Variants in MFAP3 observed in about 807,000 individuals in gnomAD.
MFAP3 encodes microfibril associated protein 3, also known as microfibril-associated glycoprotein 3.
MFAP3 carries 8 observed loss-of-function variants against 20.5 expected under a neutral mutation model. The observed-to-expected ratio is 0.39, with a 90% CI of 0.23 to 0.70. The LOEUF (loss-of-function observed/expected upper bound fraction) is 0.70, where lower values mean the gene tolerates loss of function less well. MFAP3 is among the 30% of genes least tolerant of loss of function. The probability of loss-of-function intolerance (pLI) is 0.44; values close to 1 mark genes in which losing one functional copy is unlikely to be tolerated. For synonymous variants in MFAP3, 140 were observed against 154.0 expected (o/e 0.91, Z 0.67); for missense variants, 398 against 444.6 (o/e 0.90, Z 0.94).
rs183260562 is a variant in MFAP3, at chr5:154,054,243, G to C, written c.*530G>C. On this transcript the variant is annotated 3_prime_UTR_variant, in exon 3 of 3. Coordinates refer to ENST00000522782, the MANE Select transcript of MFAP3 (RefSeq NM_005927.5). ...CTGAGATCTAAATTTCCACACCAATGTCATAATGCACAGAGGTTTTTGAAA... is the reference window on the plus strand; with the variant it reads ...CTGAGATCTAAATTTCCACACCAATCTCATAATGCACAGAGGTTTTTGAAA... 699 of 168,320 alleles carry C rather than the reference G, an allele frequency of 4.2e-3. 2 individuals are homozygous for C. The highest frequency in any genetic ancestry group is 6.1e-3 in the Non-Finnish European group (422 of 69,008). The allele number at this position is 168,320 out of a possible 1,614,324, so 10.4% of individuals were successfully genotyped here. A position where few individuals can be genotyped will look rare whatever the true frequency, so the allele number is the denominator to read the frequency against.
intron 1 of MFAP3, among the ~76,000 whole-genome samples, chr5:154,039,916 C>T (rs912070346): frequency 2.0e-5 from 3 of 152,112 alleles, no homozygotes; most frequent in African/African-American, 7.2e-5. Context: ...AGATATTTTC[C>T]TTTGCTTTTG....
At chr5:154,046,128 A>G (rs147686646) in intron 1 of MFAP3, among the ~76,000 whole-genome samples, 3 of 152,340 alleles carry the variant, frequency 2.0e-5, no homozygotes, top group Middle Eastern at 3.4e-3. Flanking sequence ...CCTGGTTTGG[A>G]AACTGCACTT....
chr5:154,056,409 T>C lies in MFAP3; in HGVS notation c.*2696T>C, dbSNP rs1773334765. Among the ~76,000 whole-genome samples the C allele has an allele frequency of 6.6e-6, 1 of 152,238 alleles. No homozygotes were observed. The highest frequency in any genetic ancestry group is 1.5e-5 in the Non-Finnish European group (1 of 68,048). On this transcript the variant is annotated 3_prime_UTR_variant, in exon 3 of 3. Coordinates refer to ENST00000522782, the MANE Select transcript of MFAP3 (RefSeq NM_005927.5). ...ACTTACTAATGTTTTCTGTATCTAA[T>C]CAAATACTCTTCATATATAATTAAG...
rs958603016 is a variant in MFAP3, at chr5:154,055,414, A to C, written c.*1701A>C. 6.6e-6 allele frequency among the ~76,000 whole-genome samples: 1 copy of C among 152,194 alleles called. No homozygotes were observed. The highest frequency in any genetic ancestry group is 1.5e-5 in the Non-Finnish European group (1 of 68,032). ...AGATGGCATCATGGATAAAGATGAT[A>C]ATGCTGCCTTTTCTGTCTCTCAGGC... is the stretch of plus-strand genomic sequence containing the variant. On this transcript the variant is annotated 3_prime_UTR_variant, in exon 3 of 3. Transcript: ENST00000522782.
chr5:154,042,770 T>A (rs932901469), intron 1 of MFAP3, among the ~76,000 whole-genome samples: 1 of 152,102 alleles, frequency 6.6e-6, no homozygotes, highest in Non-Finnish European at 1.5e-5. Context: ...GAGCTGTAAA[T>A]GCAGCCTAGA....
chr5:154,043,233 A>G (rs941337337), intron 1 of MFAP3, among the ~76,000 whole-genome samples: 30 of 152,282 alleles, frequency 2.0e-4, no homozygotes, highest in African/African-American at 7.2e-4. Flanking sequence ...TATCTATTAC[A>G]TTTTTATTTA....
At position 154,038,980 on chromosome 5, in the gene MFAP3, G is replaced by T. The variant is rs1488507179; in HGVS notation, c.-198G>T. ...GAGAAAACTTCCGAGTTAAGCCGCC[G>T]CTGAGGCCGGAAGGAGCTAGACGGC... is the stretch of plus-strand genomic sequence containing the variant. On this transcript the variant is annotated 5_prime_UTR_variant, in exon 1 of 3. Transcript: ENST00000522782. 1 of 152,418 alleles carries T rather than the reference G, an allele frequency of 6.6e-6. No individual in the cohort carries two copies. Among genetic ancestry groups the T allele is most frequent in the Non-Finnish European group, 1.5e-5 (1 of 68,178 alleles). The allele number at this position is 152,418 out of a possible 1,614,324, so 9.4% of individuals were successfully genotyped here.
intron 2 of MFAP3, 38 bp downstream of exon 2, chr5:154,050,055 T>A (rs1287884038): frequency 6.5e-7 from 1 of 1,541,062 alleles, no homozygotes; most frequent in Admixed American, 2.0e-5. Context: ...GGTTACTCAT[T>A]TCCTGTTCTG....
chr5:154,056,099 A>G lies in MFAP3; in HGVS notation c.*2386A>G, dbSNP rs1773325988. Among the ~76,000 whole-genome samples, 2 of 152,218 alleles carry G rather than the reference A, an allele frequency of 1.3e-5. No individual in the cohort carries two copies. The highest frequency in any genetic ancestry group is 4.1e-4 in the South Asian group (2 of 4,834). On this transcript the variant is annotated 3_prime_UTR_variant, in exon 3 of 3. Coordinates refer to ENST00000522782, the MANE Select transcript of MFAP3 (RefSeq NM_005927.5). ...ATTATTATTTAGAACCCTAAGGTAGACATGTTTAAAATCAAAGTCCTAAGA... is the reference window on the plus strand; with the variant it reads ...ATTATTATTTAGAACCCTAAGGTAGGCATGTTTAAAATCAAAGTCCTAAGA...
intron 2 of MFAP3, 28 bp downstream of exon 2, chr5:154,050,045 G>T (rs368343541): frequency 1.9e-6 from 3 of 1,553,980 alleles, no homozygotes; most frequent in South Asian, 1.2e-5. Context: ...AATTAATCAA[G>T]GTTACTCATT....
chr5:154,051,147 A>G (rs1420067942), intron 2 of MFAP3, among the ~76,000 whole-genome samples: 1 of 152,216 alleles, frequency 6.6e-6, no homozygotes, highest in Non-Finnish European at 1.5e-5. Flanking sequence ...TAACTATTGA[A>G]TTAGAGTGAT....
At chr5:154,042,183 A>G (rs535700730) in intron 1 of MFAP3, among the ~76,000 whole-genome samples, 11 of 152,360 alleles carry the variant, frequency 7.2e-5, no homozygotes, top group Admixed American at 7.2e-4. Flanking sequence ...CTGAGTTTCA[A>G]ATAGAGATGT....
At position 154,054,549 on chromosome 5, in the gene MFAP3, T is replaced by G. The variant is rs1324828592; in HGVS notation, c.*836T>G. ...TCTAAGGTATAACGTCTTTGATGCTTTTAGAATAAGAACAGTGTCAAATCA... is the reference window on the plus strand; with the variant it reads ...TCTAAGGTATAACGTCTTTGATGCTGTTAGAATAAGAACAGTGTCAAATCA... On this transcript the variant is annotated 3_prime_UTR_variant, in exon 3 of 3. Coordinates refer to ENST00000522782, the MANE Select transcript of MFAP3 (RefSeq NM_005927.5). 1.2e-5 allele frequency: 2 copies of G among 166,976 alleles called. No individual in the cohort carries two copies. Among genetic ancestry groups the G allele is most frequent in the African/African-American group, 2.4e-5 (1 of 41,456 alleles). The allele number at this position is 166,976 out of a possible 1,614,324, so 10.3% of individuals were successfully genotyped here.
At chr5:154,045,635 A>G (rs535020164) in intron 1 of MFAP3, among the ~76,000 whole-genome samples, 1 of 152,086 alleles carries the variant, frequency 6.6e-6, no homozygotes, top group Non-Finnish European at 1.5e-5. Flanking sequence ...TATGTATACT[A>G]CCTCATTCAG....
chr5:154,040,402 A>G (rs1772901863), intron 1 of MFAP3, among the ~76,000 whole-genome samples: 1 of 152,238 alleles, frequency 6.6e-6, no homozygotes, highest in Non-Finnish European at 1.5e-5. Flanking sequence ...AATAAAAGAC[A>G]GCTAGATTTT....
intron 2 of MFAP3, among the ~76,000 whole-genome samples, chr5:154,050,908 T>C (rs1773175846): frequency 6.6e-6 from 1 of 152,046 alleles, no homozygotes; most frequent in Non-Finnish European, 1.5e-5. Flanking sequence ...AATTCTAAGA[T>C]CCTCACAAGC....
intron 1 of MFAP3, among the ~76,000 whole-genome samples, chr5:154,044,930 CT>C (rs150678068): frequency 0.19 from 16,021 of 86,230 alleles, 950 homozygotes; most frequent in South Asian, 0.24. Flanking sequence ...AAAGTTGTTT[CT>C]TTTTTTAAAA....
rs565285638 is a variant in MFAP3 at position 154,053,839 on chromosome 5, A to G, written c.*126A>G. On this transcript the variant is annotated 3_prime_UTR_variant, in exon 3 of 3. Coordinates refer to ENST00000522782, the MANE Select transcript of MFAP3 (RefSeq NM_005927.5). Reference sequence around the variant, plus strand: ...TTTTCCGTTTGTTAATATTAAGCACATCAGAACGTGAATTGCCAAAGTCTT... The same window carrying G: ...TTTTCCGTTTGTTAATATTAAGCACGTCAGAACGTGAATTGCCAAAGTCTT... 2.4e-6 allele frequency: 2 copies of G among 827,854 alleles called. No homozygotes were observed. Among genetic ancestry groups the G allele is most frequent in the Admixed American group, 5.3e-5 (2 of 37,892 alleles). The allele number at this position is 827,854 out of a possible 1,614,324, so 51.3% of individuals were successfully genotyped here.
rs566288833 is a variant in MFAP3 at position 154,054,115 on chromosome 5, C to G, written c.*402C>G. 5.5e-6 allele frequency: 1 copy of G among 180,712 alleles called. No homozygotes were observed. 11.2% of individuals were successfully genotyped at this position (180,712 alleles called of 1,614,324 possible). The stretch of plus-strand genomic sequence containing the variant: ...GTGAGATCTGAAGTTGTTTCTAGCT[C>G]TATAGCTTCTTAACCCATCACCTTT... On this transcript the variant is annotated 3_prime_UTR_variant, in exon 3 of 3. Coordinates refer to ENST00000522782, the MANE Select transcript of MFAP3 (RefSeq NM_005927.5).
Sources: allele counts gnomAD v4.1 joint callset (sites outside exome capture counted in the v4.1 genomes callset), GRCh38; gene constraint gnomAD v4.1.1; transcripts MANE v1.5; gene names NCBI Gene and HGNC (gene_info 2026-07-23, HGNC 2026-07-21).